MRGPRX3: variants seen among roughly 807,000 people sequenced by gnomAD.
The protein encoded by MRGPRX3 is MAS related GPR family member X3.
Under a neutral mutation model 16.5 loss-of-function variants are expected in MRGPRX3, and 14 were observed. The ratio of observed to expected loss-of-function variants is 0.85; its 90% CI spans 0.56 to 1.33. The LOEUF is 1.33. Among genes scored for constraint, MRGPRX3 ranks in the 40% most tolerant of loss-of-function variants. The pLI is 0.00. For synonymous variants in MRGPRX3, 199 were observed against 180.1 expected (o/e 1.10, Z -0.84); for missense variants, 449 against 413.0 (o/e 1.09, Z -0.76).
chr11:18,138,226 C>A lies in MRGPRX3; in HGVS notation c.*55C>A. 1.3e-6 allele frequency: 2 copies of A among 1,529,364 alleles called. No homozygotes were observed. Among genetic ancestry groups the A allele is most frequent in the Non-Finnish European group, 1.8e-6 (2 of 1,141,614 alleles). 94.7% of individuals were successfully genotyped at this position (1,529,364 alleles called of 1,614,324 possible). A position where few individuals can be genotyped will look rare whatever the true frequency, so the allele number is the denominator to read the frequency against. ...TTTGAGAGCAATGCTGCCCTGCCAC[C>A]CTTGACAATTATATGCATTTTTCTT... On this transcript the variant is annotated 3_prime_UTR_variant, in exon 2 of 2. Transcript: ENST00000621697.
At chr11:18,133,456 C>T (rs1224372135) in intron 1 of MRGPRX3, among the ~76,000 whole-genome samples, 4 of 152,114 alleles carry the variant, frequency 2.6e-5, no homozygotes, top group African/African-American at 9.7e-5. Context: ...GGAGGAAGGG[C>T]CTTGTGGGAG....
chr11:18,132,320 T>C (rs1848968375), upstream of MRGPRX3, among the ~76,000 whole-genome samples: 1 of 152,196 alleles, frequency 6.6e-6, no homozygotes. Flanking sequence ...ATCTACTTTT[T>C]CATTTGGATA....
upstream of MRGPRX3, among the ~76,000 whole-genome samples, chr11:18,129,177 A>G (rs1848934804): frequency 6.6e-6 from 1 of 152,242 alleles, no homozygotes; most frequent in Non-Finnish European, 1.5e-5. Context: ...GCAGAAGAAA[A>G]TAAATAAAAA....
At chr11:18,121,078 C>T (rs1564878325) in exon 1 of MRGPRX3, 2 of 150,662 alleles carry the variant, frequency 1.3e-5, no homozygotes, top group Middle Eastern at 3.4e-3. Flanking sequence ...GGCCGCCCAT[C>T]GTCTGAGATG....
At chr11:18,129,464 A>T (rs531277716), upstream of MRGPRX3, among the ~76,000 whole-genome samples, 2 of 152,352 alleles carry the variant, frequency 1.3e-5, no homozygotes, top group South Asian at 4.1e-4. Flanking sequence ...CTGGAAACAC[A>T]CAAACCTCCT....
chr11:18,123,199 C>G (rs189132835), intron 1 of MRGPRX3, among the ~76,000 whole-genome samples: 244 of 152,198 alleles, frequency 1.6e-3, no homozygotes, highest in African/African-American at 5.5e-3. Flanking sequence ...TCATTAGATC[C>G]CATTTGTCAA....
At chr11:18,132,076 A>G (rs113197709), upstream of MRGPRX3, among the ~76,000 whole-genome samples, 1,590 of 152,294 alleles carry the variant, frequency 0.01, 29 homozygotes, top group African/African-American at 0.037. Flanking sequence ...ATAATAATAA[A>G]TGATTTAATT....
At position 18,136,693 on chromosome 11, in the gene MRGPRX3, A is replaced by G. The variant is rs937254996; in HGVS notation, c.-25-485A>G. The stretch of plus-strand genomic sequence containing the variant: ...TGGTCCTGTCTGCAATGACTGACAC[A>G]CTGAGTTATTTCTCACCCACCAGGT... On this transcript the variant is annotated intron_variant, in intron 1 of 1. Coordinates refer to ENST00000621697, the MANE Select transcript of MRGPRX3 (RefSeq NM_001370464.1). Among the ~76,000 whole-genome samples the G allele has an allele frequency of 2.6e-5, 4 of 152,218 alleles. No individual in the cohort carries two copies. In the South Asian group the frequency reaches 6.2e-4, roughly 24 times the overall value.
upstream of MRGPRX3, among the ~76,000 whole-genome samples, chr11:18,129,648 TAAAG>T (rs1260841443): frequency 1.3e-5 from 2 of 151,992 alleles, no homozygotes; most frequent in African/African-American, 4.8e-5. Flanking sequence ...AGCTATTCCA[TAAAG>T]AAAGAGGGAA....
chr11:18,121,789 C>T (rs369527763), intron 1 of MRGPRX3, among the ~76,000 whole-genome samples: 9 of 151,858 alleles, frequency 5.9e-5, no homozygotes, highest in East Asian at 3.9e-4. Flanking sequence ...GTTAAACAGA[C>T]GCTTGAAGGC....
In MRGPRX3 at chr11:18,137,535, C is replaced by A; in HGVS notation, c.333C>A (p.Ser111Arg). Reference protein sequence around the residue: ...VMTFPYFIGLSMLSAISTERC... With the variant: ...VMTFPYFIGLRMLSAISTERC... ...CCTTTCCCTACTTTATAGGCCTAAG[C>A]ATGCTGAGCGCCATCAGCACCGAGC... Residue 111 changes from serine to arginine, a missense_variant, in exon 2 of 2, where the codon AGC becomes AGA. Coordinates refer to ENST00000621697, the MANE Select transcript of MRGPRX3 (RefSeq NM_001370464.1). The A allele has an allele frequency of 6.2e-7, 1 of 1,614,162 alleles. No homozygotes were observed.
rs1395809710 is a variant in MRGPRX3 at position 18,125,009 on chromosome 11, G to A, written c.-152+3845G>A. ...TTATAGTATTCTCTGATGGTAGTTT[G>A]TATTTCTGTGGGATCGATGGTGATA... On this transcript the variant is annotated intron_variant, in intron 1 of 2. Transcript: ENST00000396275. Among the ~76,000 whole-genome samples, 5 of 152,274 alleles carry A rather than the reference G, an allele frequency of 3.3e-5. No individual in the cohort carries two copies. The South Asian group carries it at 1.0e-3, about 32-fold the overall frequency.
chr11:18,122,676 AT>A (rs1184849078), intron 1 of MRGPRX3, among the ~76,000 whole-genome samples: 1 of 152,162 alleles, frequency 6.6e-6, no homozygotes, highest in Non-Finnish European at 1.5e-5. Flanking sequence ...TAGCAGGGTG[AT>A]TTATAATCCT....
upstream of MRGPRX3, among the ~76,000 whole-genome samples, chr11:18,129,410 T>C (rs1590304914): frequency 6.6e-6 from 1 of 152,310 alleles, no homozygotes; most frequent in East Asian, 1.9e-4. Flanking sequence ...TGTGATCACC[T>C]TTACATGCAC....
intron 1 of MRGPRX3, among the ~76,000 whole-genome samples, chr11:18,124,860 TTCAG>T (rs1848875998): frequency 6.6e-6 from 1 of 152,236 alleles, no homozygotes; most frequent in African/African-American, 2.4e-5. Flanking sequence ...TTACCTCAAT[TTCAG>T]AGCCTGTTAC....
chr11:18,138,240 T>A lies in MRGPRX3; in HGVS notation c.*69T>A, dbSNP rs1006115378. 8.5e-6 allele frequency: 13 copies of A among 1,520,554 alleles called. No individual in the cohort carries two copies. The highest frequency in any genetic ancestry group is 1.8e-4 in the Middle Eastern group (1 of 5,612). 94.2% of individuals were successfully genotyped at this position (1,520,554 alleles called of 1,614,324 possible). On this transcript the variant is annotated 3_prime_UTR_variant, in exon 2 of 2. Transcript: ENST00000621697. The stretch of plus-strand genomic sequence containing the variant: ...TGCCCTGCCACCCTTGACAATTATA[T>A]GCATTTTTCTTAGCCTTCTGCCTCA...
chr11:18,135,704 C>G (rs1423452400), intron 1 of MRGPRX3, among the ~76,000 whole-genome samples: 1 of 151,838 alleles, frequency 6.6e-6, no homozygotes, highest in Non-Finnish European at 1.5e-5. Context: ...TGACTGTCAA[C>G]TTGGATTTAA....
chr11:18,135,698 T>G (rs1849001869), intron 1 of MRGPRX3, among the ~76,000 whole-genome samples: 1 of 152,164 alleles, frequency 6.6e-6, no homozygotes, highest in Non-Finnish European at 1.5e-5. Context: ...CAATTTTGAC[T>G]GTCAACTTGG....
Position 18,137,320 on chromosome 11 carries a change from G to A in MRGPRX3, c.118G>A (p.Val40Ile), listed in dbSNP as rs1240996188. Reference sequence around the variant, plus strand: ...GGGGCTGACGTGCATCGTTTCCCTTGTCGCGCTGACAGGAAACGCGGTTGT... The same window carrying A: ...GGGGCTGACGTGCATCGTTTCCCTTATCGCGCTGACAGGAAACGCGGTTGT... ...FTGLTCIVSL[V>I]ALTGNAVVLW... Residue 40 changes from valine to isoleucine, a missense_variant, in exon 2 of 2, where the codon GTC becomes ATC. By Grantham distance (29) the Val-to-Ile change is conservative (BLOSUM62 3). Coordinates refer to ENST00000621697, the MANE Select transcript of MRGPRX3 (RefSeq NM_001370464.1). 1 of 1,614,148 alleles carries A rather than the reference G, an allele frequency of 6.2e-7. No individual in the cohort carries two copies. Among genetic ancestry groups the A allele is most frequent in the South Asian group, 1.1e-5 (1 of 91,080 alleles).
Sources: allele counts gnomAD v4.1 joint callset (sites outside exome capture counted in the v4.1 genomes callset), GRCh38; gene constraint gnomAD v4.1.1; transcripts MANE v1.5; gene names NCBI Gene and HGNC (gene_info 2026-07-23, HGNC 2026-07-21).